Variants in ANKRD44 observed in about 807,000 individuals in gnomAD.
The protein encoded by ANKRD44 is ankyrin repeat domain 44.
ANKRD44 carries 35 observed loss-of-function variants against 116.0 expected under a neutral mutation model. The ratio of observed to expected loss-of-function variants is 0.30; its 90% CI spans 0.23 to 0.40. The LOEUF is 0.40. Ranked by LOEUF, ANKRD44 falls within the 10% of genes least tolerant of loss-of-function variation. The probability of loss-of-function intolerance (pLI) is 1.00; values close to 1 mark genes in which losing one functional copy is unlikely to be tolerated. For synonymous variants in ANKRD44, 435 were observed against 461.8 expected, an observed-to-expected ratio of 0.94 and a Z score of 0.74; for missense variants, 1,014 against 1,242.6, an observed-to-expected ratio of 0.82 and a Z score of 2.77.
At chr2:196,983,182 T>G (rs966076062), downstream of ANKRD44, among the ~76,000 whole-genome samples, 1 of 151,620 alleles carries the variant, frequency 6.6e-6, no homozygotes, top group African/African-American at 2.4e-5. Flanking sequence ...ACCCCAGAAC[T>G]TAAAATAAAA....
At chr2:197,187,219 G>A (rs2080700283) in intron 1 of ANKRD44, 113 bp from the exon 2 acceptor site, 3 of 1,036,166 alleles carry the variant, frequency 2.9e-6, no homozygotes, top group Non-Finnish European at 4.4e-6. Flanking sequence ...ATTATCAGTT[G>A]GCAGACAAAG....
rs925539813 is a variant in ANKRD44, at chr2:197,203,321, A to T, written c.28-16215T>A. Among the ~76,000 whole-genome samples the T allele has an allele frequency of 8.5e-5, 13 of 152,250 alleles. No homozygotes were observed. The highest frequency in any genetic ancestry group is 3.1e-4 in the African/African-American group (13 of 41,474). On this transcript the variant is annotated intron_variant, in intron 1 of 27. Transcript: ENST00000282272. This position sits in a 1 kb window ranked among gnomAD's most constrained non-coding sequence, Gnocchi z 4.1. Reference sequence around the variant, plus strand: ...ACAAATGGCCAAAAAGCACATGAAAAGATGCTTAACATCAGTCTTTAGAGA... The same window carrying T: ...ACAAATGGCCAAAAAGCACATGAAATGATGCTTAACATCAGTCTTTAGAGA...
intron 1 of ANKRD44, among the ~76,000 whole-genome samples, chr2:197,281,568 A>C (rs972395487): frequency 1.1e-4 from 16 of 152,216 alleles, no homozygotes; most frequent in African/African-American, 3.6e-4. Context: ...GGTAATTTAC[A>C]AAATCAGCAA....
rs533489664 is a variant in ANKRD44 at position 197,223,968 on chromosome 2, G to A, written c.28-36862C>T. Reference sequence around the variant, plus strand: ...TTCCACGAAGGTATAAACAAACCCCGAAAAGTAGTAGATACATGTCCGTAT... The same window carrying A: ...TTCCACGAAGGTATAAACAAACCCCAAAAAGTAGTAGATACATGTCCGTAT... On this transcript the variant is annotated intron_variant, in intron 1 of 27. Coordinates refer to ENST00000282272, the MANE Select transcript of ANKRD44 (RefSeq NM_001195144.2). Among the ~76,000 whole-genome samples the A allele has an allele frequency of 2.7e-5, 4 of 146,918 alleles. 1 individual carries two copies. The highest frequency in any genetic ancestry group is 2.0e-4 in the East Asian group (1 of 5,022).
At chr2:197,101,191 T>C (rs2078284797) in intron 9 of ANKRD44, among the ~76,000 whole-genome samples, 1 of 152,208 alleles carries the variant, frequency 6.6e-6, no homozygotes, top group Non-Finnish European at 1.5e-5. Flanking sequence ...TTGGTTGTCA[T>C]GTCTCTTTAG....
intron 10 of ANKRD44, among the ~76,000 whole-genome samples, chr2:197,092,011 G>T (rs1025589816): frequency 6.6e-6 from 1 of 152,184 alleles, no homozygotes; most frequent in Admixed American, 6.5e-5. Flanking sequence ...GACGTCTTCT[G>T]TCGGCAGCAC....
Position 197,172,549 on chromosome 2 carries a change from T to C in ANKRD44, c.111+14474A>G, listed in dbSNP as rs149028494. Reference sequence around the variant, plus strand: ...CATGTCTGTCTCACTCACCTGATTGTATGATCCAGCAGGGCAGGAACCCTG... The same window carrying C: ...CATGTCTGTCTCACTCACCTGATTGCATGATCCAGCAGGGCAGGAACCCTG... On this transcript the variant is annotated intron_variant, in intron 2 of 27. Coordinates refer to ENST00000282272, the MANE Select transcript of ANKRD44 (RefSeq NM_001195144.2). 2.0e-5 allele frequency among the ~76,000 whole-genome samples: 3 copies of C among 152,290 alleles called. No homozygotes were observed. In the East Asian group the frequency reaches 5.8e-4, roughly 29 times the overall value.
chr2:197,292,788 G>C (rs1287638991), intron 1 of ANKRD44, among the ~76,000 whole-genome samples: 2 of 152,116 alleles, frequency 1.3e-5, no homozygotes, highest in Non-Finnish European at 2.9e-5. Flanking sequence ...CCTCCTTTGG[G>C]CCCTACTTAG....
chr2:197,082,778 A>G (rs557082940), intron 14 of ANKRD44, among the ~76,000 whole-genome samples: 1 of 152,328 alleles, frequency 6.6e-6, no homozygotes, highest in East Asian at 1.9e-4. Flanking sequence ...GAACAATTTC[A>G]TCAACTGTGG....
intron 16 of ANKRD44, among the ~76,000 whole-genome samples, chr2:197,047,664 C>G (rs1430038510): frequency 6.6e-6 from 1 of 152,024 alleles, no homozygotes; most frequent in Non-Finnish European, 1.5e-5. Flanking sequence ...GTAATCCCAA[C>G]ACTTTGGGAG....
chr2:196,982,129 TGCAGAG>T (rs2075806409), downstream of ANKRD44, among the ~76,000 whole-genome samples: 1 of 144,652 alleles, frequency 6.9e-6, no homozygotes, highest in Non-Finnish European at 1.5e-5. Flanking sequence ...TATATATATA[TGCAGAG>T]ACAAATCTCT....
chr2:197,022,017 T>C (rs1372983271), intron 17 of ANKRD44, among the ~76,000 whole-genome samples: 1 of 152,214 alleles, frequency 6.6e-6, no homozygotes, highest in Non-Finnish European at 1.5e-5. Flanking sequence ...ACTGGGCCAA[T>C]AACCCTGGAG....
In ANKRD44 at chr2:196,988,843, A is replaced by G. The variant is rs2256931; in HGVS notation, c.*748T>C. 691,025 of 985,178 alleles carry G rather than the reference A, an allele frequency of 0.7. 248,418 individuals carry two copies. The highest frequency in any genetic ancestry group is 0.82 in the East Asian group (7,186 of 8,810). The allele number at this position is 985,178 out of a possible 1,614,324, so 61.0% of individuals were successfully genotyped here. On this transcript the variant is annotated 3_prime_UTR_variant, in exon 28 of 28. Coordinates refer to ENST00000282272, the MANE Select transcript of ANKRD44 (RefSeq NM_001195144.2). ...GCCATCATTTCTCATCAGGTTACTG[A>G]GACTATGTGAGCTTTTCAGTGTACT...
intron 8 of ANKRD44, among the ~76,000 whole-genome samples, chr2:197,119,424 A>G (rs939815987): frequency 2.3e-4 from 35 of 152,248 alleles, no homozygotes; most frequent in African/African-American, 8.2e-4. Context: ...AAAATAAAAA[A>G]GCTTTTTACA....
At chr2:196,978,784 GC>G (rs2075777463) in intron 21 of ANKRD44, among the ~76,000 whole-genome samples, 1 of 150,746 alleles carries the variant, frequency 6.6e-6, no homozygotes. Context: ...TCTCAATGGA[GC>G]TTTTTTTTTT....
At chr2:197,152,532 A>T (rs2079679605) in intron 2 of ANKRD44, among the ~76,000 whole-genome samples, 1 of 152,226 alleles carries the variant, frequency 6.6e-6, no homozygotes, top group Admixed American at 6.5e-5. Flanking sequence ...AGATACACAC[A>T]GCCAGCAGGG....
intron 17 of ANKRD44, among the ~76,000 whole-genome samples, chr2:197,021,876 G>C (rs976346885): frequency 6.6e-6 from 1 of 152,234 alleles, no homozygotes; most frequent in African/African-American, 2.4e-5. Context: ...TGAGGGGAAA[G>C]AATTGGGATC....
At chr2:197,300,221 A>G (rs957607467) in intron 1 of ANKRD44, among the ~76,000 whole-genome samples, 1 of 152,212 alleles carries the variant, frequency 6.6e-6, no homozygotes, top group Non-Finnish European at 1.5e-5. Flanking sequence ...TTAATATGCA[A>G]ACACCTCTCC....
intron 16 of ANKRD44, among the ~76,000 whole-genome samples, chr2:197,025,606 A>G (rs150139017): frequency 9.2e-5 from 14 of 152,358 alleles, no homozygotes; most frequent in African/African-American, 3.4e-4. Flanking sequence ...TCCTGCTCTC[A>G]TGAAGCTTAC....
Sources: allele counts gnomAD v4.1 joint callset (sites outside exome capture counted in the v4.1 genomes callset), GRCh38; gene constraint gnomAD v4.1.1; non-coding constraint Gnocchi (gnomAD v3.1); transcripts MANE v1.5; gene names NCBI Gene and HGNC (gene_info 2026-07-23, HGNC 2026-07-21).